Variants in ARHGAP8 observed in about 807,000 individuals in gnomAD.
ARHGAP8 encodes the protein Rho GTPase activating protein 8, also known as rho GTPase-activating protein 8.
Under a neutral mutation model 46.1 loss-of-function variants are expected in ARHGAP8, and 62 were observed. The observed-to-expected ratio is 1.34, with a 90% CI of 1.10 to 1.66. ARHGAP8 has a LOEUF of 1.66. Ranked by LOEUF, ARHGAP8 falls within the 40% of genes most tolerant of loss-of-function variation. The pLI, the probability that ARHGAP8 is intolerant of heterozygous loss-of-function variation, is 0.00. For synonymous variants in ARHGAP8, 375 were observed against 243.1 expected (o/e 1.54, Z -5.05); for missense variants, 923 against 568.4 (o/e 1.62, Z -6.34).
intron 1 of ARHGAP8, among the ~76,000 whole-genome samples, chr22:44,753,992 C>A (rs1202919354): frequency 1.3e-5 from 2 of 152,188 alleles, no homozygotes; most frequent in Non-Finnish European, 2.9e-5. Flanking sequence ...CACTGACTAA[C>A]CATTCCCCAA....
chr22:44,756,195 C>T (rs1314400789), intron 1 of ARHGAP8, among the ~76,000 whole-genome samples: 1 of 152,110 alleles, frequency 6.6e-6, no homozygotes, highest in Non-Finnish European at 1.5e-5. Flanking sequence ...GTCTGAATTC[C>T]TGAAACTCCT....
chr22:44,819,111 C>T (rs1257908063), intron 5 of ARHGAP8, among the ~76,000 whole-genome samples: 2 of 152,128 alleles, frequency 1.3e-5, no homozygotes, highest in Non-Finnish European at 2.9e-5. Context: ...GTCTGTTGCC[C>T]AGGCTGGAGT....
intron 7 of ARHGAP8, among the ~76,000 whole-genome samples, chr22:44,838,139 A>ATTTTT (rs1569172273): frequency 1.4e-5 from 2 of 139,064 alleles, no homozygotes; most frequent in African/African-American, 5.4e-5. Context: ...ATGCCTGGCT[A>ATTTTT]ATTTTTTTTT....
At chr22:44,798,511 G>A (rs967143889) in intron 2 of ARHGAP8, among the ~76,000 whole-genome samples, 1 of 144,750 alleles carries the variant, frequency 6.9e-6, no homozygotes, top group Admixed American at 7.5e-5. Context: ...CACATTCTGA[G>A]GGTCCAGGGG....
intron 2 of ARHGAP8, among the ~76,000 whole-genome samples, chr22:44,795,002 C>T (rs1016535664): frequency 2.0e-5 from 3 of 149,406 alleles, no homozygotes; most frequent in African/African-American, 7.5e-5. Flanking sequence ...GATCATGCCA[C>T]TGCACTCCAG....
At chr22:44,841,099 G>A (rs922774270) in intron 7 of ARHGAP8, among the ~76,000 whole-genome samples, 1 of 152,202 alleles carries the variant, frequency 6.6e-6, no homozygotes, top group Non-Finnish European at 1.5e-5. Context: ...GGAAGCGTGT[G>A]TGCCTGCCTG....
At position 44,793,471 on chromosome 22, in the gene ARHGAP8, C is replaced by G. The variant is rs148288751; in HGVS notation, c.79+6865C>G. Reference sequence around the variant, plus strand: ...TTGCCGGCTGGGCTTTCCTGCAGCACGCAGGCCTAAAGGGGTCTTCAGCTC... The same window carrying G: ...TTGCCGGCTGGGCTTTCCTGCAGCAGGCAGGCCTAAAGGGGTCTTCAGCTC... On this transcript the variant is annotated intron_variant, in intron 2 of 11. Coordinates refer to ENST00000356099, the MANE Select transcript of ARHGAP8 (RefSeq NM_181335.3). Among the ~76,000 whole-genome samples, 43 of 152,274 alleles carry G rather than the reference C, an allele frequency of 2.8e-4. 1 individual carries two copies. The East Asian group carries it at 8.3e-3, about 29-fold the overall frequency.
chr22:44,809,543 C>A, intron 4 of ARHGAP8: 1 of 247,854 alleles, frequency 4.0e-6, no homozygotes, highest in Non-Finnish European at 8.0e-6. Context: ...ACATAGGCCC[C>A]AGGGAGCAAG....
intron 1 of ARHGAP8, among the ~76,000 whole-genome samples, chr22:44,759,603 C>G (rs1032362564): frequency 6.6e-6 from 1 of 151,942 alleles, no homozygotes; most frequent in African/African-American, 2.4e-5. Context: ...TGCAGCCCTC[C>G]GGGTCTCATC....
intron 1 of ARHGAP8, among the ~76,000 whole-genome samples, chr22:44,764,266 G>A (rs1408791131): frequency 6.6e-6 from 1 of 152,212 alleles, no homozygotes; most frequent in Non-Finnish European, 1.5e-5. Flanking sequence ...TTACAGGGAA[G>A]CCCCTGCAGG....
In ARHGAP8 at chr22:44,862,402, C is replaced by G. The variant is rs751564737; in HGVS notation, c.1109C>G (p.Thr370Ser). 28 of 1,614,058 alleles carry G rather than the reference C, an allele frequency of 1.7e-5. No individual in the cohort carries two copies. The Admixed American group carries it at 2.7e-4, about 15-fold the overall frequency. The change falls in exon 12 of 12, where the codon ACT becomes AGT. Residue 370 changes from threonine (T) to serine (S), a missense_variant. By Grantham distance (58) the Thr-to-Ser change is moderately conservative. Coordinates refer to ENST00000356099, the MANE Select transcript of ARHGAP8 (RefSeq NM_181335.3). The stretch of plus-strand genomic sequence containing the variant: ...GCCCTTGTGCCCCTGAACATGTTCA[C>G]TGAACTGCTGATCGAGTACTATGAA... ...LSALVPLNMF[T>S]ELLIEYYEKI...
chr22:44,827,171 G>A (rs943055307), intron 7 of ARHGAP8, among the ~76,000 whole-genome samples: 6 of 151,942 alleles, frequency 3.9e-5, no homozygotes, highest in Non-Finnish European at 5.9e-5. Context: ...AGCAGAGGCC[G>A]GAGGGGTGCG....
intron 1 of ARHGAP8, among the ~76,000 whole-genome samples, chr22:44,763,944 G>A (rs1925351285): frequency 6.6e-6 from 1 of 151,682 alleles, no homozygotes. Flanking sequence ...CCCAGCAGCT[G>A]GGAGTACAGG....
intron 1 of ARHGAP8, among the ~76,000 whole-genome samples, chr22:44,758,777 A>T (rs909068955): frequency 1.4e-4 from 21 of 152,206 alleles, no homozygotes; most frequent in African/African-American, 4.8e-4. Flanking sequence ...AGGCTCTTTC[A>T]GGCTTGTGCA....
intron 9 of ARHGAP8, 113 bp from the exon 10 acceptor site, chr22:44,848,819 G>C: frequency 1.9e-6 from 3 of 1,545,662 alleles, no homozygotes; most frequent in Non-Finnish European, 2.6e-6. Context: ...CATGGCTCCA[G>C]CATCAGGTGC....
At chr22:44,758,882 G>A (rs1924902728) in intron 1 of ARHGAP8, among the ~76,000 whole-genome samples, 1 of 152,254 alleles carries the variant, frequency 6.6e-6, no homozygotes, top group Non-Finnish European at 1.5e-5. Context: ...TCAAGTTTGA[G>A]TTGGGAGAGA....
intron 1 of ARHGAP8, among the ~76,000 whole-genome samples, chr22:44,778,955 A>G (rs55887525): frequency 2.0e-5 from 3 of 151,914 alleles, no homozygotes; most frequent in East Asian, 1.9e-4. Context: ...TTCACCCATA[A>G]TGAGTGAACC....
intron 1 of ARHGAP8, among the ~76,000 whole-genome samples, chr22:44,783,040 C>T (rs1926958634): frequency 6.6e-6 from 1 of 151,930 alleles, no homozygotes; most frequent in South Asian, 2.1e-4. Flanking sequence ...CAGCTCCAGC[C>T]CGATACACAC....
chr22:44,818,380 C>G (rs1171196325), intron 5 of ARHGAP8, among the ~76,000 whole-genome samples: 2 of 147,406 alleles, frequency 1.4e-5, no homozygotes, highest in African/African-American at 5.2e-5. Flanking sequence ...ATCCAGGAGG[C>G]AGAGGTTGCG....
Sources: gnomAD v4.1 joint callset for allele counts (sites outside exome capture counted in the v4.1 genomes callset) on GRCh38, gnomAD v4.1.1 for gene constraint, MANE v1.5 for transcripts, NCBI Gene and HGNC (gene_info 2026-07-23, HGNC 2026-07-21) for gene names.